FAM110B: variants seen among roughly 807,000 people sequenced by gnomAD.
FAM110B encodes the protein protein FAM110B.
FAM110B carries 6 observed loss-of-function variants against 20.4 expected under a neutral mutation model. The observed-to-expected ratio is 0.29, with a 90% confidence interval of 0.16 to 0.58. FAM110B has a LOEUF of 0.58. FAM110B is among the 20% of genes least tolerant of loss of function. FAM110B has a pLI of 0.90. For synonymous variants in FAM110B, 226 were observed against 214.1 expected (o/e 1.06, Z -0.49); for missense variants, 434 against 498.2 (o/e 0.87, Z 1.23).
At position 58,147,783 on chromosome 8, in the gene FAM110B, G is replaced by T. The variant is rs1310618617; in HGVS notation, c.*440G>T. The T allele has an allele frequency of 2.2e-5, 4 of 179,530 alleles. No homozygotes were observed. Among genetic ancestry groups the T allele is most frequent in the African/African-American group, 9.6e-5 (4 of 41,598 alleles). The allele number at this position is 179,530 out of a possible 1,614,324, so 11.1% of individuals were successfully genotyped here. On this transcript the variant is annotated 3_prime_UTR_variant, in exon 4 of 4. Coordinates refer to ENST00000519262, the MANE Select transcript of FAM110B (RefSeq NM_001377989.1). ...ACTATTCCAGTGGGACAGTAAATGG[G>T]ATCTGCTACCAAACAGATAATGACT...
At chr8:58,011,561 A>G (rs1804534476) in intron 1 of FAM110B, among the ~76,000 whole-genome samples, 1 of 152,088 alleles carries the variant, frequency 6.6e-6, no homozygotes, top group Admixed American at 6.5e-5. Flanking sequence ...CTGTGCACGC[A>G]CTCAGCTCCT....
At chr8:58,085,085 CA>C (rs1806299726) in intron 3 of FAM110B, among the ~76,000 whole-genome samples, 1 of 152,198 alleles carries the variant, frequency 6.6e-6, no homozygotes, top group African/African-American at 2.4e-5. Context: ...GGAGAAAAAG[CA>C]GGCTTCGTTT....
intron 2 of FAM110B, among the ~76,000 whole-genome samples, chr8:58,069,714 C>T (rs1256876273): frequency 6.6e-6 from 1 of 152,120 alleles, no homozygotes; most frequent in Non-Finnish European, 1.5e-5. Flanking sequence ...TTAATTAGCA[C>T]TTTATGACAA....
intron 1 of FAM110B, among the ~76,000 whole-genome samples, chr8:58,014,863 T>C (rs1030751162): frequency 5.3e-5 from 8 of 152,232 alleles, no homozygotes; most frequent in African/African-American, 1.7e-4. Flanking sequence ...TATTCTGCTA[T>C]AAATAAAATA....
At chr8:58,145,719 G>A (rs1394207558) in intron 3 of FAM110B, among the ~76,000 whole-genome samples, 188 bp from the exon 4 acceptor site, 1 of 152,234 alleles carries the variant, frequency 6.6e-6, no homozygotes, top group South Asian at 2.1e-4. Context: ...GCTGCCGCGC[G>A]TCGGCGCAGG....
intron 3 of FAM110B, among the ~76,000 whole-genome samples, chr8:58,121,703 C>T (rs188004507): frequency 4.3e-4 from 65 of 152,148 alleles, no homozygotes; most frequent in Admixed American, 1.0e-3. Flanking sequence ...TTTTGTCTTT[C>T]GCCGTATTTT....
intron 3 of FAM110B, among the ~76,000 whole-genome samples, chr8:58,077,654 G>A (rs1253750904): frequency 7.2e-5 from 11 of 152,186 alleles, no homozygotes; most frequent in African/African-American, 1.4e-4. Flanking sequence ...ACAAGACAGA[G>A]CAATGGAGAT....
chr8:58,026,385 G>A (rs1224567429), intron 1 of FAM110B, among the ~76,000 whole-genome samples: 1 of 151,628 alleles, frequency 6.6e-6, no homozygotes, highest in Non-Finnish European at 1.5e-5. Flanking sequence ...ACTAACACAT[G>A]CCAGCCCATC....
intron 2 of FAM110B, among the ~76,000 whole-genome samples, chr8:58,046,037 G>A (rs1341553230): frequency 1.3e-5 from 2 of 152,078 alleles, no homozygotes; most frequent in Non-Finnish European, 2.9e-5. Flanking sequence ...CATTCATGAG[G>A]TTGCAGCCTT....
intron 1 of FAM110B, among the ~76,000 whole-genome samples, chr8:58,017,892 C>G (rs771420553): frequency 5.4e-4 from 82 of 152,176 alleles, no homozygotes; most frequent in Non-Finnish European, 9.4e-4. Flanking sequence ...ATGAGATTCC[C>G]CAGGACTAGA....
intron 1 of FAM110B, among the ~76,000 whole-genome samples, chr8:58,016,134 A>G (rs1354051694): frequency 1.3e-5 from 2 of 152,214 alleles, no homozygotes; most frequent in Non-Finnish European, 1.5e-5. Flanking sequence ...GCCAGAGGGA[A>G]CTGGAACACA....
chr8:58,010,922 C>A (rs1037175178), intron 1 of FAM110B, among the ~76,000 whole-genome samples: 1 of 152,144 alleles, frequency 6.6e-6, no homozygotes, highest in Admixed American at 6.5e-5. Context: ...ATTTCCAGGA[C>A]AAAATTATCG....
intron 1 of FAM110B, among the ~76,000 whole-genome samples, chr8:58,004,062 C>A (rs1804354311): frequency 6.6e-6 from 1 of 152,160 alleles, no homozygotes; most frequent in African/African-American, 2.4e-5. Flanking sequence ...GGGATGGTTT[C>A]ATGATGATTC....
intron 2 of FAM110B, among the ~76,000 whole-genome samples, chr8:58,061,333 A>G (rs1186511896): frequency 1.3e-5 from 2 of 152,242 alleles, no homozygotes; most frequent in East Asian, 3.8e-4. Flanking sequence ...CTATTACAGA[A>G]TATTTCTGTG....
chr8:58,006,090 T>G (rs894107542), intron 1 of FAM110B, among the ~76,000 whole-genome samples: 2 of 152,164 alleles, frequency 1.3e-5, no homozygotes, highest in African/African-American at 4.8e-5. Context: ...GATCCTTATA[T>G]CATGCTTACT....
chr8:58,082,915 G>A lies in FAM110B; in HGVS notation c.-325+7292G>A, dbSNP rs113607006. Among the ~76,000 whole-genome samples the A allele has an allele frequency of 7.1e-3, 1,058 of 149,822 alleles. 18 individuals carry two copies. Among genetic ancestry groups the A allele is most frequent in the African/African-American group, 0.025 (998 of 40,594 alleles). On this transcript the variant is annotated intron_variant, in intron 3 of 3. Transcript: ENST00000519262. ...TCCCAGCTACTTGGGAGCCTGAGGC[G>A]AAAGGATCACTTGAGCCTAGGAGTT...
intron 3 of FAM110B, among the ~76,000 whole-genome samples, chr8:58,131,185 A>T (rs570607050): frequency 6.6e-6 from 1 of 152,306 alleles, no homozygotes; most frequent in Admixed American, 6.5e-5. Flanking sequence ...TTTTGGTCAC[A>T]TTTTAATCCC....
intron 3 of FAM110B, among the ~76,000 whole-genome samples, chr8:58,080,730 C>T (rs773917453): frequency 7.9e-5 from 12 of 152,146 alleles, no homozygotes; most frequent in Admixed American, 2.0e-4. Flanking sequence ...TTCAGAGATG[C>T]GACCAAAAAC....
chr8:58,020,601 C>T (rs1023804496), intron 1 of FAM110B, among the ~76,000 whole-genome samples: 1 of 152,080 alleles, frequency 6.6e-6, no homozygotes, highest in Non-Finnish European at 1.5e-5. Flanking sequence ...GAAAGTTGGT[C>T]TACAATTTTA....
Sources: allele counts gnomAD v4.1 joint callset (sites outside exome capture counted in the v4.1 genomes callset), GRCh38; gene constraint gnomAD v4.1.1; transcripts MANE v1.5; gene names NCBI Gene and HGNC (gene_info 2026-07-23, HGNC 2026-07-21).